Variants in CNTN4 observed in about 807,000 individuals in gnomAD.
CNTN4 encodes contactin 4, also known as contactin-4.
CNTN4 carries 77 observed loss-of-function variants against 122.5 expected under a neutral mutation model. That is an observed-to-expected ratio of 0.63 (90% CI 0.52 to 0.76). CNTN4 has a LOEUF of 0.76. CNTN4 is among the 30% of genes least tolerant of loss of function. The probability of loss-of-function intolerance (pLI) is 0.00; values close to 1 mark genes in which losing one functional copy is unlikely to be tolerated. For missense variants in CNTN4, 1,256 were observed against 1,259.1 expected (o/e 1.00, Z 0.04); for synonymous variants, 512 against 447.0 (o/e 1.15, Z -1.83).
intron 2 of CNTN4, among the ~76,000 whole-genome samples, chr3:2,257,677 A>G: frequency 6.6e-6 from 1 of 152,232 alleles, no homozygotes; most frequent in East Asian, 1.9e-4. Flanking sequence ...AGAAACATGA[A>G]AAAACACTTA....
chr3:2,974,967 C>G (rs1175579757), intron 13 of CNTN4, among the ~76,000 whole-genome samples: 1 of 152,092 alleles, frequency 6.6e-6, no homozygotes, highest in Non-Finnish European at 1.5e-5. Context: ...CTTCTCATTA[C>G]TAAATTATAT....
At chr3:2,623,478 C>T (rs2082069001) in intron 4 of CNTN4, among the ~76,000 whole-genome samples, 1 of 152,124 alleles carries the variant, frequency 6.6e-6, no homozygotes, top group South Asian at 2.1e-4. Context: ...GAGCTTCCTA[C>T]TGGAATCTAG....
chr3:3,022,456 A>G (rs919373972), intron 14 of CNTN4, among the ~76,000 whole-genome samples: 3 of 152,164 alleles, frequency 2.0e-5, no homozygotes, highest in African/African-American at 7.2e-5. Flanking sequence ...TCCTTATCCA[A>G]TGGACCCCAA....
intron 3 of CNTN4, among the ~76,000 whole-genome samples, chr3:2,452,898 T>A (rs1443447200): frequency 6.6e-6 from 1 of 152,112 alleles, no homozygotes; most frequent in Non-Finnish European, 1.5e-5. Flanking sequence ...CTCCATGAAC[T>A]CTAAAAAATC....
At chr3:2,381,432 C>T (rs1007314934) in intron 3 of CNTN4, among the ~76,000 whole-genome samples, 4 of 152,186 alleles carry the variant, frequency 2.6e-5, no homozygotes. Flanking sequence ...TCAAGTTTCA[C>T]CTTCTGCACT....
At position 2,298,558 on chromosome 3, in the gene CNTN4, C is replaced by G. The variant is rs1053835514; in HGVS notation, c.-144-40620C>G. Among the ~76,000 whole-genome samples the G allele has an allele frequency of 2.0e-5, 3 of 152,142 alleles. No individual in the cohort carries two copies. In the South Asian group the frequency reaches 6.2e-4, roughly 31 times the overall value. Reference sequence around the variant, plus strand: ...TTTCTTAGTCTCTCCGTCCATATATCTCTCCTTTTCTCTCATACAATTTAA... The same window carrying G: ...TTTCTTAGTCTCTCCGTCCATATATGTCTCCTTTTCTCTCATACAATTTAA... On this transcript the variant is annotated intron_variant, in intron 2 of 24. Transcript: ENST00000418658.
chr3:2,617,208 T>G (rs1160742697), intron 4 of CNTN4, among the ~76,000 whole-genome samples: 1 of 152,016 alleles, frequency 6.6e-6, no homozygotes, highest in South Asian at 2.1e-4. Flanking sequence ...ATAGGCAACC[T>G]ACAGAACGGG....
At chr3:2,919,218 G>T (rs1220583429) in intron 12 of CNTN4, among the ~76,000 whole-genome samples, 1 of 151,412 alleles carries the variant, frequency 6.6e-6, no homozygotes, top group Non-Finnish European at 1.5e-5. Flanking sequence ...CAGGTGTGGT[G>T]GCACACATCT....
chr3:3,001,560 C>G (rs1053900755), intron 14 of CNTN4, among the ~76,000 whole-genome samples: 1 of 152,136 alleles, frequency 6.6e-6, no homozygotes, highest in Non-Finnish European at 1.5e-5. Context: ...AATTAGAATG[C>G]CTTTAGACAG....
At chr3:2,735,744 G>C (rs1485296489) in intron 4 of CNTN4, 1 of 334,200 alleles carries the variant, frequency 3.0e-6, no homozygotes, top group African/African-American at 2.2e-5. Context: ...TTAGCAATAC[G>C]GAGCTGTTAC....
intron 3 of CNTN4, among the ~76,000 whole-genome samples, chr3:2,425,035 A>G (rs1214548872): frequency 6.6e-6 from 1 of 152,046 alleles, no homozygotes; most frequent in East Asian, 1.9e-4. Flanking sequence ...GTTCACTCTG[A>G]TGGTAGTTTC....
chr3:3,039,977 G>A, intron 19 of CNTN4, 60 bp from the exon 20 acceptor site: 4 of 1,224,650 alleles, frequency 3.3e-6, no homozygotes, highest in Non-Finnish European at 3.6e-6. Context: ...AAACAAAAAC[G>A]ATTTTTGCAT....
chr3:2,952,070 A>G (rs1374421490), intron 13 of CNTN4, among the ~76,000 whole-genome samples: 4 of 152,256 alleles, frequency 2.6e-5, no homozygotes, highest in African/African-American at 4.8e-5. Context: ...CTGAGGCCCC[A>G]AATTCTGGTG....
chr3:2,492,694 A>G (rs1420870000), intron 3 of CNTN4, among the ~76,000 whole-genome samples: 1 of 152,182 alleles, frequency 6.6e-6, no homozygotes, highest in African/African-American at 2.4e-5. Flanking sequence ...TATTTAATCT[A>G]TTTTTATGAC....
At chr3:3,051,256 CT>C (rs1235856859) in intron 23 of CNTN4, among the ~76,000 whole-genome samples, 5 of 152,122 alleles carry the variant, frequency 3.3e-5, no homozygotes, top group Admixed American at 3.3e-4. Flanking sequence ...CAAATCCATT[CT>C]TTCCCCTTGT....
chr3:2,370,748 C>T (rs1370604531), intron 3 of CNTN4, among the ~76,000 whole-genome samples: 1 of 151,908 alleles, frequency 6.6e-6, no homozygotes, highest in East Asian at 1.9e-4. Flanking sequence ...TATTATAGAT[C>T]CAAAAAATGA....
intron 2 of CNTN4, among the ~76,000 whole-genome samples, chr3:2,298,939 ATCTTGT>A (rs1453617839): frequency 4.6e-5 from 7 of 152,210 alleles, no homozygotes; most frequent in African/African-American, 1.7e-4. Flanking sequence ...ACATTAAAGC[ATCTTGT>A]TCATAAAATT....
At chr3:2,525,048 A>C (rs2077352114) in intron 3 of CNTN4, among the ~76,000 whole-genome samples, 1 of 152,110 alleles carries the variant, frequency 6.6e-6, no homozygotes, top group African/African-American at 2.4e-5. Context: ...TTTAGAGCCT[A>C]TCCAAGTTGG....
chr3:2,623,934 C>T (rs1163907178), intron 4 of CNTN4, among the ~76,000 whole-genome samples: 1 of 152,068 alleles, frequency 6.6e-6, no homozygotes, highest in Admixed American at 6.5e-5. Flanking sequence ...GTTCATTTAC[C>T]ATTTACTGAA....
Sources: gnomAD v4.1 joint callset for allele counts (sites outside exome capture counted in the v4.1 genomes callset) on GRCh38, gnomAD v4.1.1 for gene constraint, MANE v1.5 for transcripts, NCBI Gene and HGNC (gene_info 2026-07-23, HGNC 2026-07-21) for gene names.